GPHN: variants seen among roughly 807,000 people sequenced by gnomAD.
The protein encoded by GPHN is gephyrin.
GPHN carries 17 observed loss-of-function variants against 95.5 expected under a neutral mutation model. That is an observed-to-expected ratio of 0.18 (90% CI 0.12 to 0.27). The LOEUF (loss-of-function observed/expected upper bound fraction) is 0.27. GPHN is among the 10% of genes least tolerant of loss of function. The pLI, the probability that GPHN is intolerant of heterozygous loss-of-function variation, is 1.00. For missense variants in GPHN, 660 were observed against 978.1 expected, an observed-to-expected ratio of 0.67 and a Z score of 4.34; for synonymous variants, 320 against 322.5, an observed-to-expected ratio of 0.99 and a Z score of 0.08.
chr14:67,295,302 T>G, the GPHN span, among the ~76,000 whole-genome samples: 1 of 151,564 alleles, frequency 6.6e-6, no homozygotes, highest in Admixed American at 6.6e-5. Flanking sequence ...CTGGCCAACA[T>G]GGTGAAACCT....
the GPHN span, among the ~76,000 whole-genome samples, chr14:67,394,009 A>G: frequency 2.0e-5 from 3 of 152,108 alleles, no homozygotes; most frequent in East Asian, 5.8e-4. Flanking sequence ...CCTCTTTGTG[A>G]GAAACTGGAA....
At chr14:66,659,426 T>C (rs1190560936) in intron 1 of GPHN, among the ~76,000 whole-genome samples, 1 of 152,150 alleles carries the variant, frequency 6.6e-6, no homozygotes, top group Non-Finnish European at 1.5e-5. Flanking sequence ...GAGTGTTCTT[T>C]AAATGTCAGT....
At chr14:67,475,586 C>G in the GPHN span, among the ~76,000 whole-genome samples, 1 of 152,184 alleles carries the variant, frequency 6.6e-6, no homozygotes, top group Non-Finnish European at 1.5e-5. Context: ...TAATGGCCAT[C>G]CTAATGGGTG....
chr14:67,205,796 A>G, the GPHN span, among the ~76,000 whole-genome samples: 1 of 152,190 alleles, frequency 6.6e-6, no homozygotes, highest in African/African-American at 2.4e-5. Flanking sequence ...GGAATGAAGG[A>G]GCTGTGTTTT....
chr14:67,517,080 G>A, the GPHN span, among the ~76,000 whole-genome samples: 617 of 152,288 alleles, frequency 4.1e-3, 5 homozygotes, highest in South Asian at 9.9e-3. Context: ...AGAGAGTCAG[G>A]GCTACAGGCA....
chr14:66,967,329 A>G (rs891995997), intron 9 of GPHN, among the ~76,000 whole-genome samples: 1 of 152,012 alleles, frequency 6.6e-6, no homozygotes, highest in Non-Finnish European at 1.5e-5. Context: ...TAAAGGACAG[A>G]AGGAAGTGAA....
chr14:66,582,370 C>G (rs1355310040), intron 1 of GPHN, among the ~76,000 whole-genome samples: 1 of 151,590 alleles, frequency 6.6e-6, no homozygotes, highest in African/African-American at 2.4e-5. Context: ...TGGGATGCAA[C>G]AAAAGCATTT....
At chr14:67,546,516 G>A in the GPHN span, among the ~76,000 whole-genome samples, 51 of 152,116 alleles carry the variant, frequency 3.4e-4, 1 homozygote, top group East Asian at 8.3e-3. Flanking sequence ...TTAGCCTCCC[G>A]AGTAGCTGGG....
chr14:67,079,588 G>A (rs2076613358), intron 11 of GPHN, among the ~76,000 whole-genome samples: 1 of 144,972 alleles, frequency 6.9e-6, no homozygotes, highest in Non-Finnish European at 1.5e-5. Context: ...GTTACAGCAT[G>A]TATCAGTAAT....
chr14:66,691,972 G>T (rs2067809981), intron 2 of GPHN, among the ~76,000 whole-genome samples: 1 of 152,164 alleles, frequency 6.6e-6, no homozygotes, highest in South Asian at 2.1e-4. Context: ...TTCTATGTTT[G>T]ACAATAAAAT....
intron 6 of GPHN, among the ~76,000 whole-genome samples, chr14:66,921,754 G>C (rs1346435317): frequency 6.6e-6 from 1 of 152,014 alleles, no homozygotes; most frequent in African/African-American, 2.4e-5. Context: ...CATAGCCAAA[G>C]CAAGACTAAG....
chr14:67,263,980 C>G, the GPHN span, among the ~76,000 whole-genome samples: 1 of 152,122 alleles, frequency 6.6e-6, no homozygotes, highest in African/African-American at 2.4e-5. Context: ...CCACTATAGC[C>G]GTGAACTCCT....
the GPHN span, chr14:67,270,011 G>C: frequency 6.6e-6 from 1 of 152,094 alleles, no homozygotes; most frequent in Admixed American, 6.5e-5. Flanking sequence ...ATGTTTATGC[G>C]TATGAAGTAT....
the GPHN span, chr14:67,660,058 G>T: frequency 2.2e-6 from 2 of 901,884 alleles, no homozygotes; most frequent in Non-Finnish European, 3.3e-6. Flanking sequence ...CCATGAGGCA[G>T]GGACCATGTC....
chr14:67,165,629 T>G (rs977822653), intron 20 of GPHN, among the ~76,000 whole-genome samples: 2 of 152,184 alleles, frequency 1.3e-5, no homozygotes, highest in African/African-American at 4.8e-5. Context: ...CAAAATGCCT[T>G]GAGTCACCCA....
the GPHN span, chr14:67,204,519 C>T: frequency 6.2e-7 from 1 of 1,607,076 alleles, no homozygotes; most frequent in Non-Finnish European, 8.5e-7. Context: ...GATGATGTTA[C>T]CGTGTGCTTG....
chr14:66,817,993 C>T (rs1458425192), intron 3 of GPHN, among the ~76,000 whole-genome samples: 1 of 152,078 alleles, frequency 6.6e-6, no homozygotes. Context: ...TTTAATTTAC[C>T]ACAGTAGTAT....
the GPHN span, among the ~76,000 whole-genome samples, chr14:67,528,043 G>A: frequency 6.6e-6 from 1 of 152,192 alleles, no homozygotes; most frequent in Non-Finnish European, 1.5e-5. Context: ...CATGATGAAT[G>A]TATGAACACA....
At chr14:66,720,137 C>T (rs757046720) in intron 2 of GPHN, among the ~76,000 whole-genome samples, 7 of 152,022 alleles carry the variant, frequency 4.6e-5, no homozygotes, top group Non-Finnish European at 7.3e-5. Flanking sequence ...ATTATGAATA[C>T]TGTAGTATCA....
Sources: allele counts gnomAD v4.1 joint callset (sites outside exome capture counted in the v4.1 genomes callset), GRCh38; gene constraint gnomAD v4.1.1; transcripts MANE v1.5; gene names NCBI Gene and HGNC (gene_info 2026-07-23, HGNC 2026-07-21).